Variants in MYO7A observed in about 807,000 individuals in gnomAD.
MYO7A encodes myosin VIIA.
In MYO7A, 210 loss-of-function variants were observed where a neutral mutation model predicts 263.8. The observed-to-expected ratio is 0.80, with a 90% confidence interval of 0.71 to 0.89. The LOEUF is 0.89. Among genes scored for constraint, MYO7A ranks in the 40% least tolerant of loss-of-function variants. The pLI is 0.00. For missense variants in MYO7A, 2,820 were observed against 2,968.3 expected (o/e 0.95, Z 1.16); for synonymous variants, 1,239 against 1,197.3 (o/e 1.03, Z -0.72).
intron 3 of MYO7A, among the ~76,000 whole-genome samples, chr11:77,147,400 T>TTTTCTTTCTTTC (rs35139168): frequency 1.3e-4 from 20 of 150,726 alleles, no homozygotes; most frequent in African/African-American, 2.9e-4. Flanking sequence ...TTTTTAATGT[T>TTTTCTTTCTTTC]TTTCTTTCTT....
intron 1 of MYO7A, among the ~76,000 whole-genome samples, chr11:77,129,299 G>T (rs1950694809): frequency 6.6e-6 from 1 of 152,250 alleles, no homozygotes; most frequent in East Asian, 1.9e-4. Flanking sequence ...GACTAGTTCA[G>T]GTCTCTGGAA....
rs183945827 is a variant in MYO7A at position 77,168,022 on chromosome 11, C to T, written c.1797+1860C>T. The stretch of plus-strand genomic sequence containing the variant: ...AGCCCTGTGCTGTAAGGTGGCTGTA[C>T]TGCTGAGACGGGCGTAGCTCTGGCC... On this transcript the variant is annotated intron_variant, in intron 15 of 48. Transcript: ENST00000409709. Among the ~76,000 whole-genome samples, 35 of 152,322 alleles carry T rather than the reference C, an allele frequency of 2.3e-4. 1 individual carries two copies. The highest frequency in any genetic ancestry group is 2.2e-3 in the Admixed American group (33 of 15,304).
chr11:77,173,058 G>A (rs1173827690), intron 16 of MYO7A, among the ~76,000 whole-genome samples, 173 bp downstream of exon 16: 1 of 152,102 alleles, frequency 6.6e-6, no homozygotes, highest in Non-Finnish European at 1.5e-5. Context: ...GGCAGCAGGT[G>A]CCTTGGAAAG....
In MYO7A at chr11:77,181,979, T is replaced by C. The variant is rs1565412654; in HGVS notation, c.2933T>C (p.Val978Ala). 4.3e-6 allele frequency: 7 copies of C among 1,612,958 alleles called. No individual in the cohort carries two copies. Among genetic ancestry groups the C allele is most frequent in the Non-Finnish European group, 5.9e-6 (7 of 1,179,706 alleles). Residue 978 changes from valine to alanine, a missense_variant, in exon 24 of 49, where the codon GTG becomes GCG. By Grantham distance (64) the Val-to-Ala change is moderately conservative. Transcript: ENST00000409709. ...EDLERGRREM[V>A]EEDLDAALPL... ...CTGGAGCGAGGGCGGAGGGAGATGG[T>C]GGAGGAGGACCTGGATGCAGCCCTG...
chr11:77,205,448 G>A lies in MYO7A; in HGVS notation c.5481-14G>A, dbSNP rs113075052. ...GGCAGCTGCCCCTGCTGGAGCCCAC[G>A]CCTCCTCCTGCAGGTACAGCGAGGA... On this transcript the variant is annotated splice_polypyrimidine_tract_variant and intron_variant, in intron 39 of 48. Transcript: ENST00000409709. 8.2e-4 allele frequency: 1,268 copies of A among 1,554,794 alleles called. 6 individuals are homozygous for A. The African/African-American group carries it at 0.013, about 15-fold the overall frequency.
At chr11:77,207,535 T>A (rs1957533165) in intron 42 of MYO7A, 133 bp downstream of exon 42, 2 of 720,458 alleles carry the variant, frequency 2.8e-6, no homozygotes, top group East Asian at 5.4e-5. Flanking sequence ...TCTTCTTCCA[T>A]CCCTGCAGCC....
rs777288898 is a variant in MYO7A, at chr11:77,192,068, C to T, written c.3942C>T (p.Ser1314=). The part of the protein sequence containing the change: ...ALFDKVSSLG[S]GSDHVMDAIS... ...GCCCACAGGTGTCCTCCCTGGGCAG[C>T]GGCAGTGACCACGTCATGGACGCCA... Residue 1314 remains serine (S), a synonymous_variant, in exon 31 of 49, where the codon AGC becomes AGT. Transcript: ENST00000409709. 1.2e-5 allele frequency: 19 copies of T among 1,613,242 alleles called. No homozygotes were observed. The highest frequency in any genetic ancestry group is 2.7e-5 in the African/African-American group (2 of 74,936).
At chr11:77,140,127 G>T (rs955537401) in intron 2 of MYO7A, among the ~76,000 whole-genome samples, 1 of 152,136 alleles carries the variant, frequency 6.6e-6, no homozygotes, top group Non-Finnish European at 1.5e-5. Flanking sequence ...CTCACATGAA[G>T]TTTTTTTTAT....
chr11:77,172,939 G>A, intron 16 of MYO7A, 54 bp downstream of exon 16: 3 of 1,514,516 alleles, frequency 2.0e-6, no homozygotes, highest in Non-Finnish European at 2.7e-6. Context: ...ACGTGGAGGA[G>A]CTAGGTCAAG....
chr11:77,197,199 T>A (rs1228670072), intron 32 of MYO7A, among the ~76,000 whole-genome samples: 2 of 152,240 alleles, frequency 1.3e-5, no homozygotes, highest in African/African-American at 4.8e-5. Flanking sequence ...TGCTTCCCTG[T>A]CTCTGCTGAA....
At chr11:77,192,299 C>T (rs367963928) in intron 31 of MYO7A, 21 bp downstream of exon 31, 37 of 1,608,590 alleles carry the variant, frequency 2.3e-5, no homozygotes, top group East Asian at 6.7e-5. Context: ...GGGAATCTTC[C>T]GCCAGGCTGG....
rs55637648 is a variant in MYO7A, at chr11:77,190,578, T to TGCTGGGGCCTGGAGC, written c.3751-119_3751-118insGCTGGGGCCTGGAGC. On this transcript the variant is annotated intron_variant, in intron 29 of 48. Transcript: ENST00000409709. ...AGGGACAAGCAGTGTCCCAGTGAGG[T>TGCTGGGGCCTGGAGC]ACTGGGGCCTGGGGTGCTGGGGCAC... The TGCTGGGGCCTGGAGC allele has an allele frequency of 0.54, 558,925 of 1,044,342 alleles. 154,504 individuals carry two copies. Among genetic ancestry groups the TGCTGGGGCCTGGAGC allele is most frequent in the African/African-American group, 0.8 (49,594 of 61,744 alleles). 64.7% of individuals were successfully genotyped at this position (1,044,342 alleles called of 1,614,324 possible). A position where few individuals can be genotyped will look rare whatever the true frequency, so the allele number is the denominator to read the frequency against.
chr11:77,158,436 G>C lies in MYO7A; in HGVS notation c.1003+6G>C. ...GGGCAACCTGCAGTATGAGGGTGAG[G>C]CTGCGCCACACTCGCCCTGCCCCAC... On this transcript the variant is annotated splice_donor_region_variant and intron_variant, in intron 9 of 48. Transcript: ENST00000409709. 1 of 1,610,184 alleles carries C rather than the reference G, an allele frequency of 6.2e-7. No individual in the cohort carries two copies. Among genetic ancestry groups the C allele is most frequent in the South Asian group, 1.1e-5 (1 of 90,960 alleles).
intron 38 of MYO7A, 55 bp downstream of exon 38, chr11:77,203,272 G>T: frequency 6.6e-7 from 1 of 1,524,748 alleles, no homozygotes; most frequent in Non-Finnish European, 8.8e-7. Context: ...CAGGGCCTTC[G>T]TCTGCACACT....
At chr11:77,156,227 C>A in intron 5 of MYO7A, 136 bp downstream of exon 5, 1 of 922,634 alleles carries the variant, frequency 1.1e-6, no homozygotes, top group Non-Finnish European at 1.6e-6. Flanking sequence ...GACCTATGTA[C>A]TCTGTGCTGT....
intron 15 of MYO7A, among the ~76,000 whole-genome samples, chr11:77,169,554 C>G (rs1555074746): frequency 1.3e-5 from 2 of 152,176 alleles, no homozygotes; most frequent in African/African-American, 4.8e-5. Flanking sequence ...CCACCTTTAC[C>G]CCATCCCCAT....
chr11:77,156,191 A>T, intron 5 of MYO7A, 100 bp downstream of exon 5: 1 of 1,330,286 alleles, frequency 7.5e-7, no homozygotes. Context: ...CGCTGTCGGA[A>T]ATGCCATCAA....
At chr11:77,175,525 C>T in intron 18 of MYO7A, 61 bp downstream of exon 18, 1 of 1,489,936 alleles carries the variant, frequency 6.7e-7, no homozygotes, top group Non-Finnish European at 9.3e-7. Flanking sequence ...ATGATGTGGG[C>T]TGGGGTGCTC....
At chr11:77,172,974 A>G in intron 16 of MYO7A, 89 bp downstream of exon 16, 1 of 1,455,364 alleles carries the variant, frequency 6.9e-7, no homozygotes, top group Non-Finnish European at 9.2e-7. Context: ...GGAGTGAAGG[A>G]TGTGAGACTT....
Sources: gnomAD v4.1 joint callset for allele counts (sites outside exome capture counted in the v4.1 genomes callset) on GRCh38, gnomAD v4.1.1 for gene constraint, MANE v1.5 for transcripts, NCBI Gene and HGNC (gene_info 2026-07-23, HGNC 2026-07-21) for gene names.